The following PSD3 variants were observed in gnomAD, a reference collection of about 807,000 sequenced individuals.
PSD3 encodes the protein PH and SEC7 domain-containing protein 3.
A neutral mutation model predicts 105.5 loss-of-function variants in PSD3; 49 were observed. The observed-to-expected ratio is 0.46, with a 90% CI of 0.37 to 0.59. The LOEUF is 0.59. Ranked by LOEUF, PSD3 falls within the 20% of genes least tolerant of loss-of-function variation. The pLI is 0.00. For missense variants in PSD3, 1,561 were observed against 1,263.8 expected (o/e 1.24, Z -3.57); for synonymous variants, 557 against 457.8 (o/e 1.22, Z -2.77).
At chr8:18,573,183 A>C (rs1400238761) in intron 13 of PSD3, among the ~76,000 whole-genome samples, 1 of 152,196 alleles carries the variant, frequency 6.6e-6, no homozygotes, top group Non-Finnish European at 1.5e-5. Context: ...AAAAACATAT[A>C]GATATGCCAG....
At chr8:18,561,962 G>T (rs1474161091) in intron 14 of PSD3, among the ~76,000 whole-genome samples, 1 of 152,104 alleles carries the variant, frequency 6.6e-6, no homozygotes, top group Non-Finnish European at 1.5e-5. Context: ...CCAAGTATAA[G>T]ATTTACATAG....
At chr8:19,020,119 T>C (rs1026986927) in intron 1 of PSD3, among the ~76,000 whole-genome samples, 2 of 152,236 alleles carry the variant, frequency 1.3e-5, no homozygotes, top group Non-Finnish European at 2.9e-5. Flanking sequence ...ACATCTACCA[T>C]GTGCTAGGTA....
chr8:18,564,852 G>C (rs920772073), intron 14 of PSD3, among the ~76,000 whole-genome samples: 1 of 152,080 alleles, frequency 6.6e-6, no homozygotes, highest in Non-Finnish European at 1.5e-5. Flanking sequence ...TTACTTCAGC[G>C]TGAGAATCAA....
At chr8:18,704,432 G>A (rs922324796) in intron 9 of PSD3, among the ~76,000 whole-genome samples, 12 of 151,972 alleles carry the variant, frequency 7.9e-5, no homozygotes, top group African/African-American at 2.2e-4. Context: ...CTGTCTCCTG[G>A]GTTCAAGTGA....
At chr8:18,582,172 C>T (rs1255545479) in intron 12 of PSD3, among the ~76,000 whole-genome samples, 2 of 152,142 alleles carry the variant, frequency 1.3e-5, no homozygotes, top group Admixed American at 6.6e-5. Flanking sequence ...GTGGATCAAA[C>T]TGGAAACTTC....
intron 8 of PSD3, among the ~76,000 whole-genome samples, chr8:18,781,148 C>T (rs2129445263): frequency 6.6e-6 from 1 of 152,262 alleles, no homozygotes; most frequent in Middle Eastern, 3.4e-3. Context: ...ACGTTGATTT[C>T]TTATTAACCC....
At chr8:18,757,514 C>T (rs1053672471) in intron 9 of PSD3, among the ~76,000 whole-genome samples, 33 of 152,144 alleles carry the variant, frequency 2.2e-4, no homozygotes, top group Non-Finnish European at 3.7e-4. Context: ...TCAGATTCTA[C>T]TCTTTGTTTC....
At chr8:18,553,389 T>G (rs1800891695) in intron 15 of PSD3, among the ~76,000 whole-genome samples, 1 of 152,184 alleles carries the variant, frequency 6.6e-6, no homozygotes, top group South Asian at 2.1e-4. Context: ...AGTCACCAGG[T>G]TTGTTTTCAT....
At chr8:18,835,199 A>C (rs970758652) in intron 4 of PSD3, among the ~76,000 whole-genome samples, 1 of 152,226 alleles carries the variant, frequency 6.6e-6, no homozygotes, top group African/African-American at 2.4e-5. Flanking sequence ...TATATGTCTA[A>C]GCATTTATTT....
intron 8 of PSD3, among the ~76,000 whole-genome samples, chr8:18,783,650 T>C (rs1339660926): frequency 3.9e-5 from 6 of 152,256 alleles, no homozygotes; most frequent in Admixed American, 3.9e-4. Context: ...TTTGTTGTTG[T>C]TGAGACGTAG....
chr8:18,610,398 C>T (rs1401404964), intron 11 of PSD3, among the ~76,000 whole-genome samples: 1 of 152,172 alleles, frequency 6.6e-6, no homozygotes, highest in African/African-American at 2.4e-5. Flanking sequence ...AAATAAGGTA[C>T]GTGCTGAGCT....
At chr8:18,943,312 C>T (rs1215052685) in intron 1 of PSD3, among the ~76,000 whole-genome samples, 1 of 152,102 alleles carries the variant, frequency 6.6e-6, no homozygotes, top group Non-Finnish European at 1.5e-5. Flanking sequence ...TTTAAAAAAT[C>T]ACTGTTGTTT....
At chr8:18,954,040 G>C (rs1823404247) in intron 1 of PSD3, among the ~76,000 whole-genome samples, 1 of 152,102 alleles carries the variant, frequency 6.6e-6, no homozygotes, top group Non-Finnish European at 1.5e-5. Context: ...TGCTTGCTCA[G>C]TGAGAATGGA....
At chr8:18,991,377 C>T (rs867385499) in intron 1 of PSD3, among the ~76,000 whole-genome samples, 2,349 of 148,532 alleles carry the variant, frequency 0.016, 68 homozygotes, top group African/African-American at 0.055. Flanking sequence ...CACACATACA[C>T]ACACACACAC....
At chr8:18,813,596 A>G (rs958494353) in intron 4 of PSD3, among the ~76,000 whole-genome samples, 1 of 152,140 alleles carries the variant, frequency 6.6e-6, no homozygotes, top group African/African-American at 2.4e-5. Flanking sequence ...AGGAAATTCT[A>G]CCTGTGAGTG....
At chr8:18,690,379 A>G (rs2130990315) in intron 9 of PSD3, among the ~76,000 whole-genome samples, 1 of 152,354 alleles carries the variant, frequency 6.6e-6, no homozygotes, top group East Asian at 1.9e-4. Flanking sequence ...TTAAGGATAC[A>G]TAAACACACA....
chr8:18,777,783 C>T (rs529875993), intron 8 of PSD3, among the ~76,000 whole-genome samples: 33 of 152,162 alleles, frequency 2.2e-4, no homozygotes, highest in Admixed American at 4.6e-4. Context: ...TGTTTCCATT[C>T]GCCTCCCTTT....
chr8:18,994,592 T>C (rs571422628), intron 1 of PSD3, among the ~76,000 whole-genome samples: 3 of 152,132 alleles, frequency 2.0e-5, no homozygotes, highest in African/African-American at 7.2e-5. Flanking sequence ...ATAGGCCAGA[T>C]TTCTAAGTAC....
chr8:18,911,585 C>G (rs982378882), intron 2 of PSD3, among the ~76,000 whole-genome samples: 5 of 152,134 alleles, frequency 3.3e-5, no homozygotes, highest in African/African-American at 1.2e-4. Context: ...AAGAATAATA[C>G]AAAAAGTTCC....
Sources: allele counts gnomAD v4.1 joint callset (sites outside exome capture counted in the v4.1 genomes callset), GRCh38; gene constraint gnomAD v4.1.1; transcripts MANE v1.5; gene names NCBI Gene and HGNC (gene_info 2026-07-23, HGNC 2026-07-21).